Variants in WIPF1 observed in about 807,000 individuals in gnomAD.
The protein encoded by WIPF1 is WAS/WASL-interacting protein family member 1.
WIPF1 carries 13 observed loss-of-function variants against 35.4 expected under a neutral mutation model. The observed-to-expected ratio is 0.37, with a 90% confidence interval of 0.24 to 0.58. WIPF1 has a LOEUF of 0.58. WIPF1 is among the 20% of genes least tolerant of loss of function. The pLI, the probability that WIPF1 is intolerant of heterozygous loss-of-function variation, is 0.74. For synonymous variants in WIPF1, 267 were observed against 266.3 expected (o/e 1.00, Z -0.02); for missense variants, 591 against 667.0 (o/e 0.89, Z 1.25).
chr2:174,586,653 C>A (rs1486504124), intron 1 of WIPF1, among the ~76,000 whole-genome samples: 1 of 152,146 alleles, frequency 6.6e-6, no homozygotes, highest in Non-Finnish European at 1.5e-5. Flanking sequence ...CTCACTAGAA[C>A]CCCTGCTCCC....
intron 1 of WIPF1, among the ~76,000 whole-genome samples, chr2:174,591,875 C>T (rs965968138): frequency 1.3e-5 from 2 of 152,198 alleles, no homozygotes; most frequent in African/African-American, 2.4e-5. Flanking sequence ...CCTCGACTCA[C>T]TTGTTAAACA....
chr2:174,681,436 C>T (rs1688243703), intron 1 of WIPF1, among the ~76,000 whole-genome samples: 1 of 152,180 alleles, frequency 6.6e-6, no homozygotes, highest in African/African-American at 2.4e-5. Flanking sequence ...GTTTTCTCAC[C>T]TCAAGAACCT....
intron 3 of WIPF1, among the ~76,000 whole-genome samples, chr2:174,580,752 C>T (rs1685210613): frequency 6.6e-6 from 1 of 152,152 alleles, no homozygotes. Flanking sequence ...GAAGTTGTGA[C>T]CTCATTTTCT....
At chr2:174,602,644 G>C (rs567750825), upstream of WIPF1, among the ~76,000 whole-genome samples, 145 of 152,210 alleles carry the variant, frequency 9.5e-4, no homozygotes, top group African/African-American at 3.4e-3. Flanking sequence ...CAGAAACAAA[G>C]GAATAATCCT....
upstream of WIPF1, among the ~76,000 whole-genome samples, chr2:174,601,675 G>A (rs1415558074): frequency 6.6e-6 from 1 of 152,238 alleles, no homozygotes; most frequent in Admixed American, 6.5e-5. Context: ...GCAGTGAAGC[G>A]GAGTTCTCAG....
At chr2:174,568,903 A>G (rs1188135632) in intron 5 of WIPF1, 3 of 152,358 alleles carry the variant, frequency 2.0e-5, no homozygotes, top group East Asian at 1.9e-4. Context: ...TGGTATAACC[A>G]TAAGTTTTTA....
At chr2:174,678,416 T>C (rs1274547589) in intron 1 of WIPF1, among the ~76,000 whole-genome samples, 1 of 152,214 alleles carries the variant, frequency 6.6e-6, no homozygotes, top group East Asian at 1.9e-4. Context: ...TAGTCTATTA[T>C]TTTTGACTTC....
At chr2:174,621,112 G>A (rs1437684592) in intron 1 of WIPF1, among the ~76,000 whole-genome samples, 4 of 152,162 alleles carry the variant, frequency 2.6e-5, no homozygotes, top group East Asian at 1.9e-4. Context: ...ATGGCAGTAC[G>A]GGGAAGGACT....
At chr2:174,649,781 T>C (rs1028427214) in intron 1 of WIPF1, among the ~76,000 whole-genome samples, 7 of 152,254 alleles carry the variant, frequency 4.6e-5, no homozygotes, top group South Asian at 4.1e-4. Context: ...CATAAAAGAA[T>C]ACAAAACAAT....
intron 1 of WIPF1, among the ~76,000 whole-genome samples, chr2:174,667,058 T>C (rs569994192): frequency 6.6e-6 from 1 of 152,262 alleles, no homozygotes; most frequent in East Asian, 1.9e-4. Flanking sequence ...AAGAATGCAG[T>C]TGGTTTTGTT....
At chr2:174,651,721 A>G (rs181539577) in intron 1 of WIPF1, among the ~76,000 whole-genome samples, 45 of 152,250 alleles carry the variant, frequency 3.0e-4, no homozygotes, top group African/African-American at 1.0e-3. Context: ...TGCTCCAGTT[A>G]TCTACTGCTG....
intron 1 of WIPF1, among the ~76,000 whole-genome samples, chr2:174,627,982 A>G (rs1201403239): frequency 6.6e-6 from 1 of 152,080 alleles, no homozygotes; most frequent in East Asian, 1.9e-4. Context: ...GTTTACCCTG[A>G]AAAGACCCCT....
At chr2:174,682,266 C>T (rs1202648291) in intron 1 of WIPF1, among the ~76,000 whole-genome samples, 1 of 152,244 alleles carries the variant, frequency 6.6e-6, no homozygotes, top group South Asian at 2.1e-4. Flanking sequence ...GGGAGGCGGG[C>T]TGGAGCGCGG....
At chr2:174,677,459 T>C (rs527447437) in intron 1 of WIPF1, among the ~76,000 whole-genome samples, 1 of 152,294 alleles carries the variant, frequency 6.6e-6, no homozygotes, top group South Asian at 2.1e-4. Flanking sequence ...GTGACTGCAA[T>C]ACAGGATAGG....
Position 174,608,525 on chromosome 2 carries a change from A to G in WIPF1, c.-38-22914T>C, listed in dbSNP as rs1340262044. On this transcript the variant is annotated intron_variant, in intron 1 of 8. Coordinates refer to the WIPF1 transcript ENST00000272746. ...TTTTTCTTTTTTTTTTCTAAGCACT[A>G]TCTTGTCTTAGGTAATTTAATTAAA... 4.6e-5 allele frequency among the ~76,000 whole-genome samples: 7 copies of G among 152,204 alleles called. No homozygotes were observed. The East Asian group carries it at 1.2e-3, about 25-fold the overall frequency.
At chr2:174,580,490 C>T (rs1685200100) in intron 3 of WIPF1, among the ~76,000 whole-genome samples, 1 of 152,174 alleles carries the variant, frequency 6.6e-6, no homozygotes, top group African/African-American at 2.4e-5. Flanking sequence ...CACTTGTTGA[C>T]AAAGATCCAT....
At chr2:174,644,765 T>A (rs977633863) in intron 1 of WIPF1, among the ~76,000 whole-genome samples, 5 of 152,224 alleles carry the variant, frequency 3.3e-5, no homozygotes, top group African/African-American at 4.8e-5. Context: ...GAGAAAATAA[T>A]GTTGCTAGAC....
upstream of WIPF1, among the ~76,000 whole-genome samples, chr2:174,598,521 G>T (rs2105875610): frequency 6.6e-6 from 1 of 152,204 alleles, no homozygotes; most frequent in Admixed American, 6.5e-5. Flanking sequence ...ATCTTGCTTT[G>T]TTGCCCAGCC....
chr2:174,564,436 T>C lies in WIPF1; in HGVS notation c.1457-1834A>G, dbSNP rs184984756. Among the ~76,000 whole-genome samples, 732 of 152,236 alleles carry C rather than the reference T, an allele frequency of 4.8e-3. 3 individuals are homozygous for C. Among genetic ancestry groups the C allele is most frequent in the African/African-American group, 0.017 (705 of 41,532 alleles). On this transcript the variant is annotated intron_variant, in intron 7 of 7. Transcript: ENST00000679041. Reference sequence around the variant, plus strand: ...AAGCTCAAGACCAGCCTGGGTGACATAGAGATATCCTGTCTCTATAAGAAA... The same window carrying C: ...AAGCTCAAGACCAGCCTGGGTGACACAGAGATATCCTGTCTCTATAAGAAA...
Sources: gnomAD v4.1 joint callset for allele counts (sites outside exome capture counted in the v4.1 genomes callset) on GRCh38, gnomAD v4.1.1 for gene constraint, MANE v1.5 for transcripts, NCBI Gene and HGNC (gene_info 2026-07-23, HGNC 2026-07-21) for gene names.